The following WFS1 variants were observed in gnomAD, a reference collection of about 807,000 sequenced individuals.
The protein encoded by WFS1 is wolframin ER transmembrane glycoprotein.
WFS1 carries 90 observed loss-of-function variants against 68.5 expected under a neutral mutation model. The observed-to-expected ratio is 1.31, with a 90% CI of 1.11 to 1.56. The LOEUF (loss-of-function observed/expected upper bound fraction) is 1.56, where lower values mean the gene tolerates loss of function less well. Ranked by LOEUF, WFS1 falls within the 40% of genes most tolerant of loss-of-function variation. The probability of loss-of-function intolerance (pLI) is 0.00; values close to 1 mark genes in which losing one functional copy is unlikely to be tolerated. For missense variants in WFS1, 1,767 were observed against 1,232.6 expected (o/e 1.43, Z -6.49); for synonymous variants, 860 against 540.7 (o/e 1.59, Z -8.19).
In WFS1 at chr4:6,302,404, C is replaced by T; in HGVS notation, c.2609C>T (p.Thr870Ile). 6.2e-7 allele frequency: 1 copy of T among 1,613,196 alleles called. No homozygotes were observed. The highest frequency in any genetic ancestry group is 8.5e-7 in the Non-Finnish European group (1 of 1,180,024). The part of the protein sequence containing the change: ...HVKIEHDWRS[T>I]VHGAVKFAFD... ...AAGATCGAGCACGACTGGCGCAGCA[C>T]CGTGCATGGCGCCGTGAAGTTCGCC... The change falls in exon 8 of 8, where the codon ACC (threonine) becomes ATC (isoleucine). Residue 870 changes from threonine to isoleucine, a missense_variant. By Grantham distance (89) the Thr-to-Ile change is moderately conservative (BLOSUM62 -1). Transcript: ENST00000226760.
rs144475151 is a variant in WFS1, at chr4:6,287,135, T to C, written c.275T>C (p.Leu92Pro). Residue 92 changes from leucine (L) to proline (P), a missense_variant, in exon 3 of 8, where the codon CTG (leucine) becomes CCG (proline). Physicochemically the swap from Leu to Pro is moderately conservative, Grantham distance 98. Coordinates refer to ENST00000226760, the MANE Select transcript of WFS1 (RefSeq NM_006005.3). This position sits in a 1 kb window ranked among gnomAD's most constrained non-coding sequence, Gnocchi z 6.4. Reference protein sequence around the residue: ...GDMEIPFEEVLERAKAGDPKA... With the variant: ...GDMEIPFEEVPERAKAGDPKA... Reference sequence around the variant, plus strand: ...ATGGAAATCCCCTTTGAAGAAGTCCTGGAGAGGGCCAAGGCCGGGGACCCC... The same window carrying C: ...ATGGAAATCCCCTTTGAAGAAGTCCCGGAGAGGGCCAAGGCCGGGGACCCC... The C allele has an allele frequency of 1.3e-6, 2 of 1,561,272 alleles. No homozygotes were observed. The highest frequency in any genetic ancestry group is 1.7e-6 in the Non-Finnish European group (2 of 1,151,280).
intron 2 of WFS1, among the ~76,000 whole-genome samples, chr4:6,282,182 A>G (rs911795343): frequency 1.3e-5 from 2 of 152,202 alleles, no homozygotes; most frequent in African/African-American, 4.8e-5. Context: ...CAGCCAGCAT[A>G]GAAAGAGAGG....
intron 2 of WFS1, among the ~76,000 whole-genome samples, chr4:6,280,665 C>T (rs771174285): frequency 6.6e-6 from 1 of 152,182 alleles, no homozygotes; most frequent in Non-Finnish European, 1.5e-5. Context: ...TCAGGCTGGG[C>T]ATGCTGTGGC....
chr4:6,285,970 T>C (rs1730298517), intron 2 of WFS1, among the ~76,000 whole-genome samples: 1 of 152,232 alleles, frequency 6.6e-6, no homozygotes, highest in Non-Finnish European at 1.5e-5. Flanking sequence ...CTTGGTCTAA[T>C]AATTCAACTG....
intron 6 of WFS1, among the ~76,000 whole-genome samples, chr4:6,293,770 C>T (rs998739115): frequency 5.3e-5 from 8 of 152,298 alleles, no homozygotes; most frequent in Admixed American, 2.0e-4. Context: ...AGGGTCTTCC[C>T]GTAGGGACTG....
chr4:6,298,520 A>C (rs1730710016), intron 7 of WFS1, among the ~76,000 whole-genome samples: 2 of 149,896 alleles, frequency 1.3e-5, no homozygotes, highest in South Asian at 4.2e-4. Flanking sequence ...GTGGACTGTC[A>C]CAAATATACA....
At position 6,275,889 on chromosome 4, in the gene WFS1, C is replaced by A. The variant is rs144387023; in HGVS notation, c.-5-1562C>A. Among the ~76,000 whole-genome samples the A allele has an allele frequency of 3.5e-3, 532 of 152,292 alleles. 6 individuals carry two copies. Among genetic ancestry groups the A allele is most frequent in the African/African-American group, 0.011 (450 of 41,550 alleles). On this transcript the variant is annotated intron_variant, in intron 1 of 7. Transcript: ENST00000226760. ...CCAAGCGCTGGGTGTTCAGAGGTGG[C>A]CAGGGGACTCCCTCGTGCTGCCCAT...
In WFS1 at chr4:6,302,237, G is replaced by C; in HGVS notation, c.2442G>C (p.Leu814=). ...CCAGCAGCGAGTTCAAGAGCGTGCT[G>C]CTCAGCCTGCGCCAGGGCAGCCTCA... The part of the protein sequence containing the change: ...LRASSEFKSV[L]LSLRQGSLIE... The change falls in exon 8 of 8, where the codon CTG becomes CTC. Residue 814 remains leucine, a synonymous_variant. Transcript: ENST00000226760. 1.2e-6 allele frequency: 2 copies of C among 1,607,096 alleles called. No individual in the cohort carries two copies. The highest frequency in any genetic ancestry group is 1.7e-6 in the Non-Finnish European group (2 of 1,175,870).
intron 7 of WFS1, among the ~76,000 whole-genome samples, chr4:6,297,538 C>T (rs1018408102): frequency 1.3e-5 from 2 of 152,110 alleles, no homozygotes; most frequent in Admixed American, 6.5e-5. Context: ...TTGGAAGATC[C>T]GACACGGGAA....
intron 1 of WFS1, among the ~76,000 whole-genome samples, chr4:6,272,343 G>A (rs1729866107): frequency 1.3e-5 from 2 of 152,174 alleles, no homozygotes; most frequent in South Asian, 2.1e-4. Context: ...GGCCACTATG[G>A]CCGTCATGAA....
At chr4:6,298,782 G>A (rs1298532056) in intron 7 of WFS1, among the ~76,000 whole-genome samples, 2 of 152,230 alleles carry the variant, frequency 1.3e-5, no homozygotes, top group African/African-American at 4.8e-5. Context: ...GTTGGCAGGT[G>A]AGGGCCACAT....
chr4:6,273,677 A>G (rs185560061), intron 1 of WFS1, among the ~76,000 whole-genome samples: 1 of 152,258 alleles, frequency 6.6e-6, no homozygotes, highest in African/African-American at 2.4e-5. Flanking sequence ...TGTAACATGC[A>G]GGAAGACTCA....
intron 2 of WFS1, among the ~76,000 whole-genome samples, chr4:6,286,540 C>T (rs1477194070): frequency 4.6e-5 from 7 of 152,046 alleles, no homozygotes; most frequent in Admixed American, 2.6e-4. Flanking sequence ...TATAACAGCT[C>T]GAACAGACTA....
intron 5 of WFS1, 24 bp from the exon 6 acceptor site, chr4:6,291,893 G>T: frequency 6.2e-7 from 1 of 1,602,184 alleles, no homozygotes; most frequent in East Asian, 2.3e-5. Flanking sequence ...TTGTCTGACT[G>T]TTAATCCACC....
intron 7 of WFS1, among the ~76,000 whole-genome samples, chr4:6,298,983 C>T (rs1730740206): frequency 6.6e-6 from 1 of 152,244 alleles, no homozygotes; most frequent in East Asian, 1.9e-4. Flanking sequence ...GCCAGGCTTC[C>T]CTACCCCCAT....
chr4:6,280,863 G>A (rs763518550), intron 2 of WFS1, among the ~76,000 whole-genome samples: 8 of 151,972 alleles, frequency 5.3e-5, no homozygotes, highest in Non-Finnish European at 1.2e-4. Context: ...GGAAGGAGGT[G>A]AGATTCGGGA....
chr4:6,275,465 C>G (rs1334374443), intron 1 of WFS1, among the ~76,000 whole-genome samples: 1 of 152,096 alleles, frequency 6.6e-6, no homozygotes, highest in Non-Finnish European at 1.5e-5. Context: ...GGTGCCAGTT[C>G]CCGGGAGCTG....
chr4:6,292,376 C>T (rs986721167), intron 6 of WFS1, among the ~76,000 whole-genome samples: 12 of 152,110 alleles, frequency 7.9e-5, no homozygotes, highest in South Asian at 2.1e-4. Context: ...GAAGGGGCTC[C>T]GGGCAGAGGG....
At chr4:6,291,135 C>G (rs573469724) in intron 4 of WFS1, 62 bp from the exon 5 acceptor site, 28 of 1,581,260 alleles carry the variant, frequency 1.8e-5, no homozygotes, top group Non-Finnish European at 2.3e-5. Flanking sequence ...TTGGCAGGGT[C>G]AGAGTGGCAC....
Sources: gnomAD v4.1 joint callset for allele counts (sites outside exome capture counted in the v4.1 genomes callset) on GRCh38, gnomAD v4.1.1 for gene constraint, Gnocchi (gnomAD v3.1) non-coding constraint, MANE v1.5 for transcripts, NCBI Gene and HGNC (gene_info 2026-07-23, HGNC 2026-07-21) for gene names.